Variants in PREP observed in about 807,000 individuals in gnomAD.
The protein encoded by PREP is prolyl endopeptidase.
A neutral mutation model predicts 87.6 loss-of-function variants in PREP; 29 were observed. The observed-to-expected ratio is 0.33, with a 90% CI of 0.25 to 0.45. The LOEUF (loss-of-function observed/expected upper bound fraction) is 0.45. Ranked by LOEUF, PREP falls within the 20% of genes least tolerant of loss-of-function variation. The pLI, the probability that PREP is intolerant of heterozygous loss-of-function variation, is 1.00. For synonymous variants in PREP, 337 were observed against 328.6 expected, an observed-to-expected ratio of 1.03 and a Z score of -0.28; for missense variants, 695 against 886.5, an observed-to-expected ratio of 0.78 and a Z score of 2.74.
intron 7 of PREP, among the ~76,000 whole-genome samples, chr6:105,339,679 A>G (rs549638471): frequency 6.6e-6 from 1 of 152,234 alleles, no homozygotes; most frequent in African/African-American, 2.4e-5. Flanking sequence ...TAAACAGTGT[A>G]GAGAAGACCT....
At chr6:105,282,346 G>C (rs1583033534) in intron 13 of PREP, 105 bp downstream of exon 13, 2 of 1,383,556 alleles carry the variant, frequency 1.4e-6, no homozygotes, top group East Asian at 4.6e-5. Flanking sequence ...ATACCACTTT[G>C]TGGTCCTATC....
At chr6:105,320,573 G>A (rs748225378) in intron 10 of PREP, among the ~76,000 whole-genome samples, 17 of 152,294 alleles carry the variant, frequency 1.1e-4, no homozygotes, top group Admixed American at 3.9e-4. Flanking sequence ...ACACCACCAG[G>A]TAGGCAGTGC....
rs539002050 is a variant in PREP, at chr6:105,395,736, T to C, written c.120+2117A>G. On this transcript the variant is annotated intron_variant, in intron 2 of 14. Coordinates refer to ENST00000652536, the MANE Select transcript of PREP (RefSeq NM_002726.5). ...AGCAAAGTATACATTCACTAACAGA[T>C]AAAACCTGGGTCATTTTGACAGTGC... is the stretch of plus-strand genomic sequence containing the variant. 5.3e-5 allele frequency among the ~76,000 whole-genome samples: 8 copies of C among 152,352 alleles called. No homozygotes were observed. The South Asian group carries it at 1.7e-3, about 32-fold the overall frequency.
In PREP at chr6:105,274,458, GACA is replaced by G. The variant is rs1293111289; in HGVS notation, c.*3683_*3685del. Among the ~76,000 whole-genome samples, 1 of 152,136 alleles carries G rather than the reference GACA, an allele frequency of 6.6e-6. No homozygotes were observed. Among genetic ancestry groups the G allele is most frequent in the African/African-American group, 2.4e-5 (1 of 41,440 alleles). The stretch of plus-strand genomic sequence containing the variant: ...ATTTCGGGGAGGACATAAACACTCA[GACA>G]ACAGCAGTAAGAGAGCTGTTTCGGC... On this transcript the variant is annotated 3_prime_UTR_variant, in exon 15 of 15. Coordinates refer to ENST00000652536, the MANE Select transcript of PREP (RefSeq NM_002726.5).
intron 1 of PREP, among the ~76,000 whole-genome samples, chr6:105,398,309 G>C (rs1012857938): frequency 1.3e-5 from 2 of 152,210 alleles, no homozygotes; most frequent in African/African-American, 2.4e-5. Flanking sequence ...GCACGTCAGG[G>C]AGGGGGCTAA....
At chr6:105,379,757 A>G (rs1191492499) in intron 2 of PREP, among the ~76,000 whole-genome samples, 1 of 152,184 alleles carries the variant, frequency 6.6e-6, no homozygotes, top group Non-Finnish European at 1.5e-5. Context: ...GTGTGTTTAC[A>G]CTGATCGTGG....
intron 7 of PREP, among the ~76,000 whole-genome samples, chr6:105,349,640 C>T (rs1771892553): frequency 1.3e-5 from 2 of 151,844 alleles, no homozygotes; most frequent in Admixed American, 6.6e-5. Context: ...TTAATTTATA[C>T]AAAAATGCTG....
chr6:105,307,437 A>T (rs1463456840), intron 10 of PREP, among the ~76,000 whole-genome samples: 4 of 152,074 alleles, frequency 2.6e-5, no homozygotes, highest in Admixed American at 1.3e-4. Flanking sequence ...TTTTCCCTCC[A>T]CTGAATTGCT....
At chr6:105,365,749 A>T (rs1011347847) in intron 6 of PREP, among the ~76,000 whole-genome samples, 4 of 152,150 alleles carry the variant, frequency 2.6e-5, no homozygotes, top group Non-Finnish European at 5.9e-5. Flanking sequence ...GCTTGAGGGA[A>T]GTCTACGCCC....
At chr6:105,367,697 G>C (rs765652262) in intron 6 of PREP, among the ~76,000 whole-genome samples, 12 of 151,574 alleles carry the variant, frequency 7.9e-5, no homozygotes, top group Non-Finnish European at 1.6e-4. Context: ...AAGAAAAACG[G>C]ACAAATTTTA....
At chr6:105,369,333 C>G (rs1209504698) in intron 5 of PREP, among the ~76,000 whole-genome samples, 1 of 152,164 alleles carries the variant, frequency 6.6e-6, no homozygotes, top group Non-Finnish European at 1.5e-5. Flanking sequence ...AAATGAAGAG[C>G]TAGTCCATGT....
chr6:105,306,845 C>T (rs1770667725), intron 10 of PREP, among the ~76,000 whole-genome samples: 1 of 149,792 alleles, frequency 6.7e-6, no homozygotes, highest in Admixed American at 6.7e-5. Context: ...ACGAATCCTA[C>T]ACAGGCCCTT....
At chr6:105,373,241 C>A (rs1055974571) in intron 5 of PREP, 128 bp downstream of exon 5, 3 of 1,030,280 alleles carry the variant, frequency 2.9e-6, no homozygotes, top group Non-Finnish European at 2.9e-6. Flanking sequence ...CCAACTGATA[C>A]AACATCCTTT....
chr6:105,377,432 G>C lies in PREP; in HGVS notation c.208C>G (p.Leu70Val). 6.2e-7 allele frequency: 1 copy of C among 1,613,632 alleles called. No homozygotes were observed. Among genetic ancestry groups the C allele is most frequent in the Non-Finnish European group, 8.5e-7 (1 of 1,179,638 alleles). Residue 70 changes from leucine (L) to valine (V), a missense_variant, in exon 3 of 15, where the codon CTA (leucine) becomes GTA (valine). This residue lies in a region of PREP where 517 missense variants were observed against 620.3 expected (regional missense o/e 0.83). Coordinates refer to ENST00000652536, the MANE Select transcript of PREP (RefSeq NM_002726.5). The part of the protein sequence containing the change: ...RGLYKERMTE[L>V]YDYPKYSCHF... ...CAACTATACTTGGGATAATCATATAGTTCAGTCATTCTCTCTTTGTATAAA... is the reference window on the plus strand; with the variant it reads ...CAACTATACTTGGGATAATCATATACTTCAGTCATTCTCTCTTTGTATAAA...
intron 7 of PREP, among the ~76,000 whole-genome samples, chr6:105,343,805 T>G (rs1269569433): frequency 6.6e-6 from 1 of 152,086 alleles, no homozygotes; most frequent in Non-Finnish European, 1.5e-5. Context: ...GAAATGCAAA[T>G]CAAAACCACA....
chr6:105,382,270 A>AACACAC (rs146759488), intron 2 of PREP, among the ~76,000 whole-genome samples: 3,951 of 143,046 alleles, frequency 0.028, 56 homozygotes, highest in Middle Eastern at 0.054. Context: ...AAGCGTTCTC[A>AACACAC]ACACACACAC....
intron 14 of PREP, among the ~76,000 whole-genome samples, chr6:105,279,361 GTTTT>G (rs1770021010): frequency 6.6e-6 from 1 of 152,088 alleles, no homozygotes; most frequent in South Asian, 2.1e-4. Context: ...ATGGAGATCT[GTTTT>G]CTGATCTCAT....
intron 13 of PREP, 139 bp from the exon 14 acceptor site, chr6:105,282,041 T>C: frequency 9.4e-7 from 1 of 1,066,300 alleles, no homozygotes; most frequent in South Asian, 1.7e-5. Context: ...CCATCAGAAA[T>C]CACCTGCCCA....
rs754268615 is a variant in PREP at position 105,285,541 on chromosome 6, G to C, written c.1494C>G (p.Ile498Met). Residue 498 changes from isoleucine to methionine, a missense_variant, in exon 12 of 15, where the codon ATC (isoleucine) becomes ATG (methionine). Around this residue, in one of 5 missense-constraint regions of PREP, gnomAD observed 517 missense variants for 620.3 expected, o/e 0.83. Transcript: ENST00000652536. ...CTCCTCTGATGTTGGCCACTGCCAGGATACCACCCATGTGTCTCACAAAAA... is the reference window on the plus strand; with the variant it reads ...CTCCTCTGATGTTGGCCACTGCCAGCATACCACCCATGTGTCTCACAAAAA... ...RLIFVRHMGGILAVANIRGGG... is the reference protein window; with the variant it reads ...RLIFVRHMGGMLAVANIRGGG... 1.7e-5 allele frequency: 27 copies of C among 1,613,958 alleles called. No homozygotes were observed. The highest frequency in any genetic ancestry group is 2.3e-5 in the Non-Finnish European group (27 of 1,180,018).
Sources: gnomAD v4.1 joint callset for allele counts (sites outside exome capture counted in the v4.1 genomes callset) on GRCh38, gnomAD v4.1.1 for gene constraint, gnomAD v4.1.1 regional missense constraint, MANE v1.5 for transcripts, NCBI Gene and HGNC (gene_info 2026-07-23, HGNC 2026-07-21) for gene names.